ERBB4: variants seen among roughly 807,000 people sequenced by gnomAD.
ERBB4 encodes erb-b2 receptor tyrosine kinase 4.
A neutral mutation model predicts 158.0 loss-of-function variants in ERBB4; 42 were observed. The ratio of observed to expected loss-of-function variants is 0.27; its 90% CI spans 0.21 to 0.34. The LOEUF is 0.34. ERBB4 is among the 10% of genes least tolerant of loss of function. ERBB4 has a pLI of 1.00. For missense variants in ERBB4, 1,333 were observed against 1,624.1 expected (o/e 0.82, Z 3.08); for synonymous variants, 583 against 558.7 (o/e 1.04, Z -0.61).
intron 2 of ERBB4, among the ~76,000 whole-genome samples, chr2:212,047,161 T>C (rs962655303): frequency 4.6e-5 from 7 of 152,136 alleles, no homozygotes; most frequent in African/African-American, 1.7e-4. Context: ...AAAAAAACTT[T>C]TAAGTTTTCT....
At position 211,679,094 on chromosome 2, in the gene ERBB4, C is replaced by T. The variant is rs2105959278; in HGVS notation, c.1580G>A (p.Ser527Asn). 2 of 1,608,480 alleles carry T rather than the reference C, an allele frequency of 1.2e-6. No individual in the cohort carries two copies. The highest frequency in any genetic ancestry group is 2.2e-5 in the South Asian group (2 of 90,954). ...AGACTCTATGCAGATCCTTCCTCTA[C>T]TGAAGCGGCGACACGACAGACATTG... ...PDQCLSCRRF[S>N]RGRICIESCN... The change falls in exon 13 of 28, where the codon AGT becomes AAT. Residue 527 changes from serine to asparagine, a missense_variant. Around this residue, in one of 5 missense-constraint regions of ERBB4, gnomAD observed 245 missense variants for 247.5 expected, o/e 0.99. Transcript: ENST00000342788.
At chr2:211,408,781 AATTTAGTGTTCTGTAT>A (rs1301135540) in intron 25 of ERBB4, among the ~76,000 whole-genome samples, 1 of 152,214 alleles carries the variant, frequency 6.6e-6, no homozygotes, top group Non-Finnish European at 1.5e-5. Flanking sequence ...ATAGGCCAAG[AATTTAGTGTTCTGTAT>A]AATTGGGATT....
chr2:212,089,164 C>T (rs2078700700), intron 2 of ERBB4, among the ~76,000 whole-genome samples: 1 of 152,050 alleles, frequency 6.6e-6, no homozygotes, highest in South Asian at 2.1e-4. Context: ...CCTGATTTCA[C>T]ATTTTGTATC....
At chr2:211,847,172 G>A (rs767467458) in intron 3 of ERBB4, among the ~76,000 whole-genome samples, 2 of 152,184 alleles carry the variant, frequency 1.3e-5, no homozygotes, top group Non-Finnish European at 2.9e-5. Flanking sequence ...ATTATGCAGG[G>A]AGTCAGTTTT....
chr2:211,516,335 C>CT (rs1182366655), intron 20 of ERBB4, among the ~76,000 whole-genome samples: 197 of 145,356 alleles, frequency 1.4e-3, no homozygotes, highest in African/African-American at 3.9e-3. Context: ...CCTTTTTTTT[C>CT]TTTTTTTTTT....
intron 1 of ERBB4, among the ~76,000 whole-genome samples, chr2:212,389,778 A>G (rs2106433927): frequency 6.6e-6 from 1 of 152,094 alleles, no homozygotes; most frequent in African/African-American, 2.4e-5. Flanking sequence ...TGTGTGTATA[A>G]TTCTAAATTA....
intron 2 of ERBB4, among the ~76,000 whole-genome samples, chr2:212,118,040 T>A (rs902230726): frequency 2.0e-5 from 3 of 152,146 alleles, no homozygotes; most frequent in Non-Finnish European, 2.9e-5. Flanking sequence ...AGCAGACAGC[T>A]TAGCCCGGAC....
chr2:212,506,540 A>G (rs1691207085), intron 1 of ERBB4, among the ~76,000 whole-genome samples: 1 of 152,190 alleles, frequency 6.6e-6, no homozygotes, highest in Admixed American at 6.5e-5. Flanking sequence ...ACAAAAAAAA[A>G]AAAAAGTCAA....
chr2:211,434,591 T>G (rs994636906), intron 20 of ERBB4, among the ~76,000 whole-genome samples: 2 of 152,184 alleles, frequency 1.3e-5, no homozygotes, highest in Non-Finnish European at 2.9e-5. Flanking sequence ...GACACTCTAA[T>G]GACACACTCT....
At chr2:212,372,055 G>C (rs1321367297) in intron 1 of ERBB4, among the ~76,000 whole-genome samples, 2 of 151,770 alleles carry the variant, frequency 1.3e-5, no homozygotes, top group Non-Finnish European at 2.9e-5. Flanking sequence ...AAGAAGACCT[G>C]GGCCTTATTT....
chr2:211,929,234 AGTGTGTGTGTGTGTGT>A (rs10542155), intron 3 of ERBB4, among the ~76,000 whole-genome samples: 5 of 148,360 alleles, frequency 3.4e-5, no homozygotes, highest in African/African-American at 1.2e-4. Flanking sequence ...CTTTGGAATA[AGTGTGTGTGTGTGTGT>A]GTGTGTGTGT....
intron 1 of ERBB4, among the ~76,000 whole-genome samples, chr2:212,216,979 T>A (rs918707365): frequency 2.0e-5 from 3 of 151,460 alleles, no homozygotes; most frequent in African/African-American, 7.2e-5. Context: ...TTCCTTGCAA[T>A]ATCCTTCACA....
At chr2:211,846,058 T>TC (rs1372893482) in intron 3 of ERBB4, among the ~76,000 whole-genome samples, 1 of 151,772 alleles carries the variant, frequency 6.6e-6, no homozygotes, top group African/African-American at 2.4e-5. Context: ...TGTTGTTTTT[T>TC]TTTTTCATTT....
At position 212,285,390 on chromosome 2, in the gene ERBB4, A is replaced by AT. The variant is rs10707896; in HGVS notation, c.83-160488dup. The stretch of plus-strand genomic sequence containing the variant: ...GCACAGGTTGCTGAAGGGGACTGTG[A>AT]TTTTTTTTTTTTTTGCCTGCTGTGA... On this transcript the variant is annotated intron_variant, in intron 1 of 27. Coordinates refer to ENST00000342788, the MANE Select transcript of ERBB4 (RefSeq NM_005235.3). Among the ~76,000 whole-genome samples the AT allele has an allele frequency of 4.3e-3, 631 of 146,320 alleles. 7 individuals carry two copies. Among genetic ancestry groups the AT allele is most frequent in the African/African-American group, 0.012 (462 of 39,814 alleles).
At chr2:212,045,112 A>G (rs1435601967) in intron 2 of ERBB4, among the ~76,000 whole-genome samples, 1 of 152,242 alleles carries the variant, frequency 6.6e-6, no homozygotes, top group African/African-American at 2.4e-5. Flanking sequence ...TGTCTTCTCA[A>G]CTTGACCTTT....
chr2:211,557,089 C>T (rs2067255727), intron 20 of ERBB4, among the ~76,000 whole-genome samples: 2 of 152,112 alleles, frequency 1.3e-5, no homozygotes, highest in Non-Finnish European at 2.9e-5. Context: ...TGGACCCCTT[C>T]CTTACACCAT....
intron 20 of ERBB4, among the ~76,000 whole-genome samples, chr2:211,537,572 T>C (rs948067761): frequency 2.0e-5 from 3 of 152,004 alleles, no homozygotes; most frequent in Non-Finnish European, 4.4e-5. Context: ...GGTACTTTTA[T>C]GTTACCACAC....
intron 2 of ERBB4, among the ~76,000 whole-genome samples, chr2:212,120,425 G>A (rs537822360): frequency 1.3e-5 from 2 of 152,090 alleles, no homozygotes; most frequent in African/African-American, 4.8e-5. Flanking sequence ...TGAAATTGGG[G>A]TCTATAATTT....
At chr2:212,504,918 A>T (rs1037860491) in intron 1 of ERBB4, among the ~76,000 whole-genome samples, 3 of 152,304 alleles carry the variant, frequency 2.0e-5, no homozygotes, top group South Asian at 4.1e-4. Flanking sequence ...TATTTTAATT[A>T]AAAAAACTGA....
Sources: allele counts gnomAD v4.1 joint callset (sites outside exome capture counted in the v4.1 genomes callset), GRCh38; gene constraint gnomAD v4.1.1; regional missense constraint gnomAD v4.1.1; transcripts MANE v1.5; gene names NCBI Gene and HGNC (gene_info 2026-07-23, HGNC 2026-07-21).